The following HHLA2 variants were observed in gnomAD, a reference collection of about 807,000 sequenced individuals.
HHLA2 encodes the protein HERV-H LTR-associating protein 2.
A neutral mutation model predicts 45.9 loss-of-function variants in HHLA2; 48 were observed. That is an observed-to-expected ratio of 1.05 (90% CI 0.83 to 1.33). The LOEUF (loss-of-function observed/expected upper bound fraction) is 1.33. HHLA2 is among the 40% of genes most tolerant of loss of function. The pLI is 0.00. For synonymous variants in HHLA2, 161 were observed against 173.9 expected, an observed-to-expected ratio of 0.93 and a Z score of 0.59; for missense variants, 462 against 494.3, an observed-to-expected ratio of 0.93 and a Z score of 0.62.
At chr3:108,355,923 C>A (rs2081881231) in intron 6 of HHLA2, among the ~76,000 whole-genome samples, 1 of 151,986 alleles carries the variant, frequency 6.6e-6, no homozygotes, top group South Asian at 2.1e-4. Flanking sequence ...TCGTTCCTCT[C>A]ATTTATTTGA....
At chr3:108,312,327 A>T (rs909246515) in intron 2 of HHLA2, among the ~76,000 whole-genome samples, 1 of 152,220 alleles carries the variant, frequency 6.6e-6, no homozygotes, top group Non-Finnish European at 1.5e-5. Context: ...TTTCTTCTTT[A>T]TCAAAAACCT....
chr3:108,308,038 T>C (rs886649292), intron 1 of HHLA2, among the ~76,000 whole-genome samples: 3 of 152,214 alleles, frequency 2.0e-5, no homozygotes, highest in Non-Finnish European at 2.9e-5. Context: ...CTTAAAATTA[T>C]TTTAAAATGT....
At chr3:108,344,282 C>A (rs1157348005) in intron 3 of HHLA2, among the ~76,000 whole-genome samples, 1 of 151,988 alleles carries the variant, frequency 6.6e-6, no homozygotes, top group Non-Finnish European at 1.5e-5. Context: ...TGGCCAGAGA[C>A]CTTTGCATTC....
intron 3 of HHLA2, among the ~76,000 whole-genome samples, chr3:108,347,506 G>A (rs1241571180): frequency 1.3e-5 from 2 of 152,256 alleles, no homozygotes; most frequent in East Asian, 3.9e-4. Context: ...TGGGATGCTA[G>A]GGTTAAGAAT....
intron 8 of HHLA2, among the ~76,000 whole-genome samples, chr3:108,365,178 G>A (rs1372752118): frequency 6.6e-6 from 1 of 152,186 alleles, no homozygotes; most frequent in Non-Finnish European, 1.5e-5. Flanking sequence ...TTTGTATAAG[G>A]TGTAAGGAAG....
chr3:108,358,227 G>A, intron 7 of HHLA2, 66 bp downstream of exon 6: 1 of 1,142,156 alleles, frequency 8.8e-7, no homozygotes. Context: ...GAATATCAAA[G>A]AGAAAATTAG....
exon 9 of HHLA2, chr3:108,375,800 G>A: frequency 6.2e-7 from 1 of 1,610,288 alleles, no homozygotes; most frequent in Non-Finnish European, 8.5e-7. Flanking sequence ...AGCCCAACAA[G>A]GTCAGCCTCC....
chr3:108,308,299 A>G (rs911636818), intron 1 of HHLA2, among the ~76,000 whole-genome samples: 1 of 152,200 alleles, frequency 6.6e-6, no homozygotes, highest in Non-Finnish European at 1.5e-5. Context: ...CACTTAACAT[A>G]ATAATCTCCA....
At chr3:108,339,445 A>G (rs2081528388) in intron 3 of HHLA2, among the ~76,000 whole-genome samples, 1 of 152,148 alleles carries the variant, frequency 6.6e-6, no homozygotes, top group African/African-American at 2.4e-5. Context: ...AGCTTGAGCA[A>G]ATTACTTAAC....
At chr3:108,376,650 A>G in intron 10 of HHLA2, 93 bp downstream of exon 9, 1 of 1,106,576 alleles carries the variant, frequency 9.0e-7, no homozygotes, top group Non-Finnish European at 1.3e-6. Flanking sequence ...CATATCATCA[A>G]GCAAGACTTT....
chr3:108,377,231 T>C, intron 10 of HHLA2, 27 bp from the exon 10 acceptor site: 1 of 1,438,252 alleles, frequency 7.0e-7, no homozygotes, highest in Non-Finnish European at 9.7e-7. Flanking sequence ...ACAACAGACA[T>C]TTAGAGTCTA....
exon 8 of HHLA2, chr3:108,362,411 C>G (rs767033047): frequency 2.3e-5 from 37 of 1,612,268 alleles, no homozygotes; most frequent in Non-Finnish European, 2.9e-5. Context: ...ATTTTGGCAG[C>G]TTTTCTGCTG....
At chr3:108,332,057 G>A (rs1033882916) in intron 3 of HHLA2, among the ~76,000 whole-genome samples, 6 of 152,136 alleles carry the variant, frequency 3.9e-5, no homozygotes, top group East Asian at 1.9e-4. Flanking sequence ...TGTAGACCAC[G>A]TTAGTTTCTT....
intron 3 of HHLA2, among the ~76,000 whole-genome samples, chr3:108,342,259 CTTTTTTTTTT>C (rs58477416): frequency 1.9e-5 from 2 of 108,100 alleles, no homozygotes; most frequent in African/African-American, 3.6e-5. Context: ...TTCTTTCTCT[CTTTTTTTTTT>C]TTTTTTTTTT....
rs78277135 is a variant in HHLA2, at chr3:108,362,329, T to C, written c.1004-13T>C. On this transcript the variant is annotated splice_polypyrimidine_tract_variant and intron_variant, in intron 7 of 10. Transcript: ENST00000619531. The stretch of plus-strand genomic sequence containing the variant: ...TCCAGTTCACAGACTTTGTTTCTCC[T>C]TTTTTTTTTTAGAACCGAGCCAAGA... 3 of 516,180 alleles carry C rather than the reference T, an allele frequency of 5.8e-6. No homozygotes were observed. The highest frequency in any genetic ancestry group is 8.4e-6 in the Non-Finnish European group (3 of 357,106). The allele number at this position is 516,180 out of a possible 1,614,324, so 32.0% of individuals were successfully genotyped here. A position where few individuals can be genotyped will look rare whatever the true frequency, so the allele number is the denominator to read the frequency against.
intron 3 of HHLA2, among the ~76,000 whole-genome samples, chr3:108,336,032 G>T (rs546786413): frequency 1.8e-4 from 28 of 151,884 alleles, no homozygotes; most frequent in Non-Finnish European, 3.8e-4. Context: ...CCTCCCTGTT[G>T]TGCCCCTGCC....
At chr3:108,377,348 T>C in exon 11 of HHLA2, 1 of 1,154,078 alleles carries the variant, frequency 8.7e-7, no homozygotes, top group Non-Finnish European at 1.3e-6. Context: ...CTCCCCTTTC[T>C]TCACCACAAT....
At chr3:108,361,962 C>A (rs944219270) in intron 7 of HHLA2, among the ~76,000 whole-genome samples, 1 of 152,100 alleles carries the variant, frequency 6.6e-6, no homozygotes, top group Non-Finnish European at 1.5e-5. Flanking sequence ...TTTCTTATTA[C>A]AGTATAAAGC....
rs923406965 is a variant in HHLA2 at position 108,351,859 on chromosome 3, T to C, written c.46T>C (p.Ser16Pro). 4.3e-6 allele frequency: 7 copies of C among 1,610,936 alleles called. No homozygotes were observed. The African/African-American group carries it at 9.4e-5, about 22-fold the overall frequency. The change falls in exon 4 of 11, where the codon TCT becomes CCT. Residue 16 changes from serine (S) to proline (P), a missense_variant. Transcript: ENST00000619531. ...GTCTTTCTTCCTCATTCTCATAACA[T>C]CTCTGAGTGGATCTCAAGGTAATTT...
Sources: gnomAD v4.1 joint callset for allele counts (sites outside exome capture counted in the v4.1 genomes callset) on GRCh38, gnomAD v4.1.1 for gene constraint, MANE v1.5 for transcripts, NCBI Gene and HGNC (gene_info 2026-07-23, HGNC 2026-07-21) for gene names.